The following LAMA1 variants were observed in gnomAD, a reference collection of about 807,000 sequenced individuals.
LAMA1 encodes laminin subunit alpha-1.
A neutral mutation model predicts 348.7 loss-of-function variants in LAMA1; 219 were observed. The ratio of observed to expected loss-of-function variants is 0.63; its 90% CI spans 0.56 to 0.70. The LOEUF (loss-of-function observed/expected upper bound fraction) is 0.70. Ranked by LOEUF, LAMA1 falls within the 30% of genes least tolerant of loss-of-function variation. The pLI, the probability that LAMA1 is intolerant of heterozygous loss-of-function variation, is 0.00. For missense variants in LAMA1, 3,744 were observed against 3,888.0 expected, an observed-to-expected ratio of 0.96 and a Z score of 0.99; for synonymous variants, 1,487 against 1,491.0, an observed-to-expected ratio of 1.00 and a Z score of 0.06.
intron 29 of LAMA1, among the ~76,000 whole-genome samples, chr18:7,006,238 C>T (rs893531075): frequency 2.0e-5 from 3 of 152,024 alleles, no homozygotes; most frequent in African/African-American, 4.8e-5. Context: ...CTGTCTGGGC[C>T]GCTTAGTCGT....
intron 46 of LAMA1, 88 bp downstream of exon 46, chr18:6,974,815 A>T: frequency 6.6e-7 from 1 of 1,523,382 alleles, no homozygotes; most frequent in Non-Finnish European, 9.1e-7. Context: ...GAAGTTTCAA[A>T]GCCTATTATA....
chr18:7,032,154 C>T lies in LAMA1; in HGVS notation c.2186G>A (p.Arg729His), dbSNP rs144429570. The T allele has an allele frequency of 2.7e-3, 4,291 of 1,613,894 alleles. 7 individuals are homozygous for T. Among genetic ancestry groups the T allele is most frequent in the Non-Finnish European group, 3.0e-3 (3,577 of 1,179,838 alleles). ...SCESCLSGYYRVDGILFGGIC... is the reference protein window; with the variant it reads ...SCESCLSGYYHVDGILFGGIC... Reference sequence around the variant, plus strand: ...TCCTCCAAAGAGTATTCCATCCACGCGGTAATAGCCAGAGAGGCACGACTG... The same window carrying T: ...TCCTCCAAAGAGTATTCCATCCACGTGGTAATAGCCAGAGAGGCACGACTG... Residue 729 changes from arginine to histidine, a missense_variant, in exon 16 of 63, where the codon CGC becomes CAC. Arg to His is a conservative substitution (Grantham distance 29). Around this residue, in one of 3 missense-constraint regions of LAMA1, gnomAD observed 1,529 missense variants for 1,689.4 expected, o/e 0.91. Coordinates refer to ENST00000389658, the MANE Select transcript of LAMA1 (RefSeq NM_005559.4).
chr18:6,985,548 ATC>A lies in LAMA1; in HGVS notation c.5473_5474del (p.Asp1825CysfsTer15), dbSNP rs1309012356. 2 of 1,614,094 alleles carry A rather than the reference ATC, an allele frequency of 1.2e-6. No homozygotes were observed. Among genetic ancestry groups the A allele is most frequent in the Non-Finnish European group, 8.5e-7 (1 of 1,179,964 alleles). ...TTACCTCTAGAGCATCTTGTACAGC[ATC>A]TGTTTGTGCAGCAGCAGCATCTATC... ...GLIDAAAAQT[D>X]AVQDALEHLE... On this transcript the variant is annotated frameshift_variant, in exon 38 of 63. Transcript: ENST00000389658. LOFTEE classifies it high-confidence loss of function.
chr18:6,974,753 T>C, intron 46 of LAMA1, 150 bp downstream of exon 46: 1 of 1,074,994 alleles, frequency 9.3e-7, no homozygotes, highest in Non-Finnish European at 1.4e-6. Flanking sequence ...CAAATGCTTA[T>C]TTCTACAGCT....
At chr18:6,958,273 TATGATGACCAG>T (rs1182730281) in intron 55 of LAMA1, among the ~76,000 whole-genome samples, 193 bp downstream of exon 55, 3 of 152,160 alleles carry the variant, frequency 2.0e-5, no homozygotes, top group African/African-American at 7.2e-5. Context: ...GTTTTTAAAG[TATGATGACCAG>T]ATCTGTCTAA....
intron 3 of LAMA1, among the ~76,000 whole-genome samples, chr18:7,063,908 T>C (rs2058112352): frequency 6.6e-6 from 1 of 152,160 alleles, no homozygotes; most frequent in Admixed American, 6.5e-5. Context: ...TTTGGGAAGA[T>C]GAAAAAGTTC....
intron 35 of LAMA1, 148 bp downstream of exon 35, chr18:6,993,493 A>AC: frequency 1.4e-6 from 1 of 706,844 alleles, no homozygotes; most frequent in Non-Finnish European, 2.6e-6. Context: ...TAAAGTTTGC[A>AC]CATCTCAGGA....
At chr18:6,965,234 A>G (rs2057627255) in intron 50 of LAMA1, 54 bp downstream of exon 50, 4 of 1,609,016 alleles carry the variant, frequency 2.5e-6, no homozygotes, top group Admixed American at 1.7e-5. Flanking sequence ...TTTTGAAAAG[A>G]TTTCTATTCT....
chr18:6,956,216 C>A, intron 56 of LAMA1: 1 of 339,848 alleles, frequency 2.9e-6, no homozygotes, highest in Non-Finnish European at 5.7e-6. Context: ...GCAATGGCTG[C>A]CATTCAAAAT....
intron 48 of LAMA1, among the ~76,000 whole-genome samples, chr18:6,969,020 G>A (rs2057646396): frequency 6.6e-6 from 1 of 152,162 alleles, no homozygotes; most frequent in South Asian, 2.1e-4. Flanking sequence ...GGGGTGCAGT[G>A]GGGGATGTTA....
intron 3 of LAMA1, chr18:7,076,687 A>T (rs2143774977): frequency 6.6e-6 from 1 of 152,024 alleles, no homozygotes; most frequent in East Asian, 1.9e-4. Context: ...GCAGTAAAAG[A>T]TACTAGTTGA....
At chr18:6,990,519 T>C (rs897736540) in intron 36 of LAMA1, among the ~76,000 whole-genome samples, 1 of 152,160 alleles carries the variant, frequency 6.6e-6, no homozygotes, top group Non-Finnish European at 1.5e-5. Flanking sequence ...TGGGAAGCCC[T>C]GGTTGGAGCT....
At chr18:6,998,723 G>A (rs771000122) in intron 32 of LAMA1, among the ~76,000 whole-genome samples, 5 of 152,070 alleles carry the variant, frequency 3.3e-5, no homozygotes, top group Non-Finnish European at 2.9e-5. Context: ...ATCAGAACTG[G>A]AAAAAAAGTT....
rs766817641 is a variant in LAMA1 at position 7,000,009 on chromosome 18, G to T, written c.4383-12C>A. On this transcript the variant is annotated splice_polypyrimidine_tract_variant and intron_variant, in intron 30 of 62. Transcript: ENST00000389658. ...AAGTGGGACTAAAACTGGAGGAAAA[G>T]AATTTCTTTTTGAATTTTCAGATAT... 24 of 1,600,822 alleles carry T rather than the reference G, an allele frequency of 1.5e-5. No individual in the cohort carries two copies. Among genetic ancestry groups the T allele is most frequent in the South Asian group, 4.4e-5 (4 of 90,542 alleles).
At chr18:7,116,088 C>G (rs1381525465) in intron 1 of LAMA1, among the ~76,000 whole-genome samples, 1 of 152,174 alleles carries the variant, frequency 6.6e-6, no homozygotes, top group Non-Finnish European at 1.5e-5. Flanking sequence ...GGCTCCTGCC[C>G]TGGGAGGTTT....
intron 3 of LAMA1, among the ~76,000 whole-genome samples, chr18:7,057,466 CTTTTCTTTTT>C (rs1466031236): frequency 4.8e-5 from 6 of 125,580 alleles, no homozygotes; most frequent in African/African-American, 1.6e-4. Flanking sequence ...CTTTTCTTTT[CTTTTCTTTTT>C]TTTTTTTTTT....
chr18:6,999,766 G>T, intron 31 of LAMA1, 128 bp from the exon 32 acceptor site: 1 of 1,156,494 alleles, frequency 8.6e-7, no homozygotes. Flanking sequence ...ACTTGTTCTG[G>T]AACAGTAATG....
chr18:7,110,230 G>A (rs2058330587), intron 1 of LAMA1, among the ~76,000 whole-genome samples: 1 of 151,558 alleles, frequency 6.6e-6, no homozygotes, highest in South Asian at 2.1e-4. Context: ...TATAGCAGCT[G>A]GTTTAGAGGC....
At chr18:7,008,754 GT>G in intron 27 of LAMA1, 146 bp from the exon 28 acceptor site, 1 of 900,608 alleles carries the variant, frequency 1.1e-6, no homozygotes, top group East Asian at 2.5e-5. Flanking sequence ...TGTAAGTGAA[GT>G]GTGTTAAAGC....
Sources: allele counts gnomAD v4.1 joint callset (sites outside exome capture counted in the v4.1 genomes callset), GRCh38; gene constraint gnomAD v4.1.1; regional missense constraint gnomAD v4.1.1; transcripts MANE v1.5; gene names NCBI Gene and HGNC (gene_info 2026-07-23, HGNC 2026-07-21).